PIGN: variants seen among roughly 807,000 people sequenced by gnomAD.
PIGN encodes GPI ethanolamine phosphate transferase 1.
A neutral mutation model predicts 125.4 loss-of-function variants in PIGN; 117 were observed. That is an observed-to-expected ratio of 0.93 (90% CI 0.80 to 1.09). The LOEUF (loss-of-function observed/expected upper bound fraction) is 1.09. PIGN is among the 50% of genes least tolerant of loss of function. PIGN has a pLI of 0.00. For synonymous variants in PIGN, 392 were observed against 377.8 expected (o/e 1.04, Z -0.44); for missense variants, 1,075 against 1,094.9 (o/e 0.98, Z 0.26).
intron 14 of PIGN, among the ~76,000 whole-genome samples, chr18:62,114,914 G>C (rs1194238786): frequency 6.6e-6 from 1 of 152,110 alleles, no homozygotes; most frequent in Non-Finnish European, 1.5e-5. Flanking sequence ...TAATACTCTG[G>C]CTAACAAAGA....
At chr18:62,018,305 T>C (rs1345473993) in intron 23 of PIGN, among the ~76,000 whole-genome samples, 1 of 152,186 alleles carries the variant, frequency 6.6e-6, no homozygotes, top group African/African-American at 2.4e-5. Flanking sequence ...TAGAAACAGC[T>C]GTTGGCTGCC....
At chr18:62,065,821 T>C (rs554793020) in intron 30 of PIGN, among the ~76,000 whole-genome samples, 1 of 152,196 alleles carries the variant, frequency 6.6e-6, no homozygotes, top group Non-Finnish European at 1.5e-5. Flanking sequence ...AGACTAAGTA[T>C]GTTAGTAAGT....
chr18:62,176,311 T>C (rs559939085), intron 1 of PIGN, among the ~76,000 whole-genome samples: 2 of 152,132 alleles, frequency 1.3e-5, no homozygotes, highest in Non-Finnish European at 1.5e-5. Context: ...GAGGGAGATA[T>C]AAAATTACAA....
At chr18:62,133,857 G>A (rs1019421774) in intron 14 of PIGN, among the ~76,000 whole-genome samples, 2 of 152,054 alleles carry the variant, frequency 1.3e-5, no homozygotes, top group Non-Finnish European at 2.9e-5. Context: ...CTACACAAGG[G>A]CATAATAACT....
At chr18:62,124,138 C>T (rs2035414269) in intron 14 of PIGN, among the ~76,000 whole-genome samples, 1 of 152,060 alleles carries the variant, frequency 6.6e-6, no homozygotes, top group South Asian at 2.1e-4. Flanking sequence ...TAAAAACTGA[C>T]TATGTCTATA....
intron 14 of PIGN, among the ~76,000 whole-genome samples, chr18:62,130,698 T>C (rs1281908915): frequency 6.6e-6 from 1 of 152,148 alleles, no homozygotes; most frequent in Non-Finnish European, 1.5e-5. Flanking sequence ...CAGCTAGTGT[T>C]TAGAGGACAA....
At chr18:62,123,559 AAAAT>A (rs1188512549) in intron 14 of PIGN, 3 of 152,192 alleles carry the variant, frequency 2.0e-5, no homozygotes, top group Non-Finnish European at 4.4e-5. Flanking sequence ...AATCAGGATG[AAAAT>A]AAGAGTGAGG....
chr18:62,042,080 G>C lies in PIGN; in HGVS notation c.*3776C>G, dbSNP rs1346148616. On this transcript the variant is annotated 3_prime_UTR_variant, in exon 31 of 31. Coordinates refer to ENST00000640252, the MANE Select transcript of PIGN (RefSeq NM_176787.5). ...TCACGCCTGTAATCCCAGCACTTTGGGAGGCCGAGGCGGGTGAACTGCTTG... is the reference window on the plus strand; with the variant it reads ...TCACGCCTGTAATCCCAGCACTTTGCGAGGCCGAGGCGGGTGAACTGCTTG... 2.0e-5 allele frequency: 3 copies of C among 152,120 alleles called. No individual in the cohort carries two copies. The highest frequency in any genetic ancestry group is 1.5e-5 in the Non-Finnish European group (1 of 68,042). The allele number at this position is 152,120 out of a possible 1,614,324, so 9.4% of individuals were successfully genotyped here.
intron 6 of PIGN, 149 bp downstream of exon 6, chr18:62,156,980 T>C (rs542390584): frequency 7.8e-6 from 4 of 514,428 alleles, no homozygotes; most frequent in African/African-American, 7.7e-5. Flanking sequence ...AAAAAAATAC[T>C]GTAATTAAAC....
intron 1 of PIGN, among the ~76,000 whole-genome samples, chr18:62,185,349 AC>A (rs2037867676): frequency 6.6e-6 from 1 of 152,168 alleles, no homozygotes; most frequent in Non-Finnish European, 1.5e-5. Context: ...GGCACAGAAA[AC>A]TATTTATCAT....
At chr18:62,076,995 G>A (rs1287251909) in intron 28 of PIGN, among the ~76,000 whole-genome samples, 1 of 152,168 alleles carries the variant, frequency 6.6e-6, no homozygotes, top group Non-Finnish European at 1.5e-5. Context: ...AATTACTGCA[G>A]AGTTCTTTCT....
chr18:62,172,971 C>T (rs17716459), intron 1 of PIGN, among the ~76,000 whole-genome samples: 87,928 of 151,950 alleles, frequency 0.58, 26,325 homozygotes, highest in East Asian at 0.78. Flanking sequence ...CATACGAACA[C>T]AAAATATTAG....
chr18:62,026,319 G>T (rs1393536973), intron 23 of PIGN, among the ~76,000 whole-genome samples: 1 of 151,892 alleles, frequency 6.6e-6, no homozygotes, highest in Non-Finnish European at 1.5e-5. Context: ...TAATCTGAAA[G>T]TTGGCAGAAA....
intron 16 of PIGN, among the ~76,000 whole-genome samples, chr18:62,112,225 A>G (rs2034906978): frequency 6.6e-6 from 1 of 152,222 alleles, no homozygotes. Context: ...TATTTAAGAT[A>G]CATTAAAGCA....
chr18:62,070,972 A>AT (rs1423721332), intron 30 of PIGN, among the ~76,000 whole-genome samples: 284 of 148,318 alleles, frequency 1.9e-3, no homozygotes, highest in African/African-American at 6.5e-3. Context: ...CACTCGGGTA[A>AT]TTTTTTTTTT....
At chr18:62,084,868 C>G (rs1488259009) in intron 26 of PIGN, among the ~76,000 whole-genome samples, 3 of 152,096 alleles carry the variant, frequency 2.0e-5, no homozygotes, top group Non-Finnish European at 2.9e-5. Flanking sequence ...AGCACTTTGG[C>G]AGGCTGAGGC....
At chr18:62,126,294 A>G (rs1176406823) in intron 14 of PIGN, among the ~76,000 whole-genome samples, 1 of 152,182 alleles carries the variant, frequency 6.6e-6, no homozygotes, top group African/African-American at 2.4e-5. Flanking sequence ...ACATTCTGCC[A>G]GATAAACTAA....
rs1328150234 is a variant in PIGN, at chr18:62,161,154, T to C, written c.200A>G (p.Asn67Ser). The change falls in exon 4 of 31, where the codon AAC (asparagine) becomes AGC (serine). Residue 67 changes from asparagine (N) to serine (S), a missense_variant. By Grantham distance (46) the Asn-to-Ser change is conservative. Coordinates refer to ENST00000640252, the MANE Select transcript of PIGN (RefSeq NM_176787.5). ...DALYELDENG[N>S]SRAPFIRNII... ...TTACCTAATAAACGGTGCTCTAGAG[T>C]TTCCATTTTCATCTAATTCGTAAAG... is the stretch of plus-strand genomic sequence containing the variant. 1 of 1,612,120 alleles carries C rather than the reference T, an allele frequency of 6.2e-7. No individual in the cohort carries two copies. Among genetic ancestry groups the C allele is most frequent in the African/African-American group, 1.3e-5 (1 of 74,984 alleles).
chr18:62,053,206 TC>T (rs1403551038), intron 30 of PIGN, among the ~76,000 whole-genome samples: 1 of 152,198 alleles, frequency 6.6e-6, no homozygotes, highest in Non-Finnish European at 1.5e-5. Context: ...AGGTAAGGTT[TC>T]CATATATTAC....
Sources: allele counts gnomAD v4.1 joint callset (sites outside exome capture counted in the v4.1 genomes callset), GRCh38; gene constraint gnomAD v4.1.1; transcripts MANE v1.5; gene names NCBI Gene and HGNC (gene_info 2026-07-23, HGNC 2026-07-21).